Variants in DCC observed in about 807,000 individuals in gnomAD.
DCC encodes the protein DCC netrin 1 receptor.
A neutral mutation model predicts 172.5 loss-of-function variants in DCC; 58 were observed. The observed-to-expected ratio is 0.34, with a 90% confidence interval of 0.27 to 0.42. The LOEUF is 0.42. Ranked by LOEUF, DCC falls within the 10% of genes least tolerant of loss-of-function variation. The probability of loss-of-function intolerance (pLI) is 1.00; values close to 1 mark genes in which losing one functional copy is unlikely to be tolerated. For synonymous variants in DCC, 709 were observed against 644.5 expected, an observed-to-expected ratio of 1.10 and a Z score of -1.52; for missense variants, 1,740 against 1,791.0, an observed-to-expected ratio of 0.97 and a Z score of 0.51.
At chr18:53,530,231 A>T in intron 28 of DCC, 2 of 657,910 alleles carry the variant, frequency 3.0e-6, no homozygotes, top group Non-Finnish European at 5.5e-6. Flanking sequence ...TTATAGATGA[A>T]GAAAATTACG....
chr18:53,222,782 ATTTG>A (rs1290459478), intron 12 of DCC, among the ~76,000 whole-genome samples: 1 of 152,134 alleles, frequency 6.6e-6, no homozygotes, highest in African/African-American at 2.4e-5. Context: ...TATGAGAAGT[ATTTG>A]TTTAACTCAG....
intron 1 of DCC, among the ~76,000 whole-genome samples, chr18:52,686,691 G>A (rs1477085777): frequency 6.6e-6 from 1 of 152,082 alleles, no homozygotes. Flanking sequence ...AATCAATTGA[G>A]CATGATCCAT....
In DCC at chr18:52,836,657, C is replaced by A. The variant is rs140306818; in HGVS notation, c.413-69387C>A. On this transcript the variant is annotated intron_variant, in intron 2 of 28. Coordinates refer to ENST00000442544, the MANE Select transcript of DCC (RefSeq NM_005215.4). ...AGAGGTGGGCTTCCATGGCCTTGGG[C>A]AGCTCTACTGCTGTGGCTTTGCAGG... Among the ~76,000 whole-genome samples, 13 of 152,340 alleles carry A rather than the reference C, an allele frequency of 8.5e-5. 1 individual carries two copies. The East Asian group carries it at 2.1e-3, about 25-fold the overall frequency.
chr18:52,520,250 A>C (rs1442038905), intron 1 of DCC, among the ~76,000 whole-genome samples: 2 of 152,210 alleles, frequency 1.3e-5, no homozygotes, highest in African/African-American at 4.8e-5. Flanking sequence ...CTGAATTGTC[A>C]AGACATTTCC....
chr18:53,418,075 T>TTCA (rs1221436801), intron 21 of DCC, among the ~76,000 whole-genome samples: 1 of 152,144 alleles, frequency 6.6e-6, no homozygotes, highest in Non-Finnish European at 1.5e-5. Context: ...GTTCTTTTTC[T>TTCA]TCATCTAATA....
intron 5 of DCC, among the ~76,000 whole-genome samples, chr18:53,005,924 G>T (rs1416755888): frequency 1.3e-5 from 2 of 152,116 alleles, no homozygotes; most frequent in Non-Finnish European, 2.9e-5. Flanking sequence ...GTTGGAACAT[G>T]GGTTGGAAGT....
chr18:53,519,153 A>C (rs939844967), intron 27 of DCC, among the ~76,000 whole-genome samples: 2 of 152,114 alleles, frequency 1.3e-5, no homozygotes, highest in African/African-American at 4.8e-5. Flanking sequence ...TCCTTGTGTA[A>C]TTTTCATAGC....
chr18:52,835,159 G>A (rs1438752398), intron 2 of DCC, among the ~76,000 whole-genome samples: 1 of 152,152 alleles, frequency 6.6e-6, no homozygotes, highest in Non-Finnish European at 1.5e-5. Flanking sequence ...TAAAGTGAGA[G>A]TAGTGTGTTA....
At chr18:52,983,300 G>T (rs1358670445) in intron 5 of DCC, among the ~76,000 whole-genome samples, 2 of 152,150 alleles carry the variant, frequency 1.3e-5, no homozygotes, top group Non-Finnish European at 2.9e-5. Flanking sequence ...TGGATGCTTT[G>T]CAGGGTGAGA....
intron 1 of DCC, among the ~76,000 whole-genome samples, chr18:52,436,181 A>C (rs944130770): frequency 2.6e-5 from 4 of 152,234 alleles, no homozygotes; most frequent in African/African-American, 9.6e-5. Context: ...GAGTGTCACA[A>C]AGTTCATCTG....
At chr18:53,339,621 A>C (rs1402428723) in intron 14 of DCC, 92 bp from the exon 15 acceptor site, 49 of 956,492 alleles carry the variant, frequency 5.1e-5, no homozygotes, top group Non-Finnish European at 8.2e-5. Flanking sequence ...TTATGCATCT[A>C]TGAAATATGA....
intron 8 of DCC, among the ~76,000 whole-genome samples, chr18:53,161,766 C>A (rs1268587367): frequency 6.6e-6 from 1 of 152,090 alleles, no homozygotes; most frequent in African/African-American, 2.4e-5. Context: ...TAATTCATAG[C>A]TCGTAGTTAA....
intron 5 of DCC, among the ~76,000 whole-genome samples, chr18:52,960,513 T>C (rs1409158005): frequency 6.6e-6 from 1 of 152,178 alleles, no homozygotes; most frequent in East Asian, 1.9e-4. Context: ...TTTATTTTTC[T>C]TCAATCATCT....
chr18:52,595,159 G>A (rs539582357), intron 1 of DCC, among the ~76,000 whole-genome samples: 21 of 152,276 alleles, frequency 1.4e-4, no homozygotes, highest in African/African-American at 5.1e-4. Context: ...GGAAGGATGA[G>A]CAAATTAAAG....
At chr18:52,713,266 A>G (rs1458261782) in intron 1 of DCC, among the ~76,000 whole-genome samples, 3 of 152,226 alleles carry the variant, frequency 2.0e-5, no homozygotes, top group African/African-American at 7.2e-5. Context: ...CTCTGCTTAC[A>G]TGGACTCACA....
At chr18:53,017,835 G>A (rs188308271) in intron 5 of DCC, among the ~76,000 whole-genome samples, 6 of 152,206 alleles carry the variant, frequency 3.9e-5, no homozygotes, top group African/African-American at 1.4e-4. Context: ...ACTACTGCAG[G>A]TTCCGTAAAG....
chr18:52,915,702 T>C (rs1445049148), intron 3 of DCC, among the ~76,000 whole-genome samples: 1 of 151,968 alleles, frequency 6.6e-6, no homozygotes, highest in Non-Finnish European at 1.5e-5. Flanking sequence ...TTTTGCACTA[T>C]CTTCTCAAAG....
In DCC at chr18:53,363,859, G is replaced by T. The variant is rs146208114; in HGVS notation, c.2360-22184G>T. On this transcript the variant is annotated intron_variant, in intron 15 of 28. Transcript: ENST00000442544. ...GTATGAGTCTTCAGTGTTTTGCCTG[G>T]CTTCACTGAGAGTCAGTGAGCAGAC... Among the ~76,000 whole-genome samples the T allele has an allele frequency of 5.3e-5, 8 of 152,172 alleles. No homozygotes were observed. In the East Asian group the frequency reaches 1.4e-3, roughly 26 times the overall value.
intron 1 of DCC, among the ~76,000 whole-genome samples, chr18:52,496,225 C>T (rs1476892530): frequency 1.3e-5 from 2 of 151,926 alleles, no homozygotes; most frequent in Admixed American, 6.6e-5. Flanking sequence ...AAATACAGGC[C>T]AAAGATAATT....
Sources: allele counts gnomAD v4.1 joint callset (sites outside exome capture counted in the v4.1 genomes callset), GRCh38; gene constraint gnomAD v4.1.1; transcripts MANE v1.5; gene names NCBI Gene and HGNC (gene_info 2026-07-23, HGNC 2026-07-21).